The following NRXN3 variants were observed in gnomAD, a reference collection of about 807,000 sequenced individuals.
NRXN3 encodes the protein neurexin III.
Under a neutral mutation model 137.6 loss-of-function variants are expected in NRXN3, and 32 were observed. The observed-to-expected ratio is 0.23, with a 90% CI of 0.18 to 0.31. The LOEUF is 0.31. Ranked by LOEUF, NRXN3 falls within the 10% of genes least tolerant of loss-of-function variation. NRXN3 has a pLI of 1.00. For synonymous variants in NRXN3, 798 were observed against 784.5 expected (o/e 1.02, Z -0.29); for missense variants, 1,574 against 2,062.5 (o/e 0.76, Z 4.59).
intron 18 of NRXN3, among the ~76,000 whole-genome samples, chr14:79,693,763 G>A (rs1224628879): frequency 6.7e-6 from 1 of 150,326 alleles, no homozygotes; most frequent in East Asian, 2.0e-4. Flanking sequence ...AAATATACAA[G>A]TTGAGGGGTT....
chr14:78,698,712 A>G (rs774294931), intron 6 of NRXN3, among the ~76,000 whole-genome samples: 5 of 152,020 alleles, frequency 3.3e-5, no homozygotes, highest in Non-Finnish European at 5.9e-5. Flanking sequence ...CTGCTGAGAC[A>G]TATACACTAA....
intron 1 of NRXN3, among the ~76,000 whole-genome samples, chr14:78,204,941 T>C (rs2062036135): frequency 6.6e-6 from 1 of 152,192 alleles, no homozygotes; most frequent in African/African-American, 2.4e-5. Flanking sequence ...TTCAGGACCA[T>C]TTCATAGGAG....
At chr14:79,822,517 GT>G (rs1278983895) in intron 20 of NRXN3, among the ~76,000 whole-genome samples, 1 of 152,000 alleles carries the variant, frequency 6.6e-6, no homozygotes, top group Non-Finnish European at 1.5e-5. Context: ...TTTCTTTGAA[GT>G]TTTTTTCTCA....
At chr14:78,605,505 G>T (rs955284512) in intron 4 of NRXN3, among the ~76,000 whole-genome samples, 1 of 152,078 alleles carries the variant, frequency 6.6e-6, no homozygotes, top group African/African-American at 2.4e-5. Flanking sequence ...TGACATTCAG[G>T]TCAGATCAAA....
chr14:78,234,811 GA>G (rs112423641), intron 1 of NRXN3, among the ~76,000 whole-genome samples: 40,515 of 151,444 alleles, frequency 0.27, 5,547 homozygotes, highest in African/African-American at 0.33. Context: ...CAAAATAAAT[GA>G]AAAACTTTCT....
At chr14:78,927,831 A>G (rs546342286) in intron 10 of NRXN3, among the ~76,000 whole-genome samples, 2 of 152,280 alleles carry the variant, frequency 1.3e-5, no homozygotes, top group African/African-American at 2.4e-5. Flanking sequence ...GCAGTCGTTA[A>G]GGCACCATGG....
chr14:78,916,852 G>A (rs184536265), intron 10 of NRXN3, among the ~76,000 whole-genome samples: 214 of 152,294 alleles, frequency 1.4e-3, no homozygotes, highest in African/African-American at 5.0e-3. Flanking sequence ...TGAGGGCTGT[G>A]AGAGAAGGAT....
chr14:79,258,368 C>T (rs1037829652), intron 15 of NRXN3, among the ~76,000 whole-genome samples: 3 of 152,060 alleles, frequency 2.0e-5, no homozygotes, highest in Non-Finnish European at 4.4e-5. Context: ...CCACACCTGG[C>T]TAATTTTTTT....
chr14:79,803,890 A>AGT (rs199592352), intron 19 of NRXN3, among the ~76,000 whole-genome samples: 1 of 143,020 alleles, frequency 7.0e-6, no homozygotes, highest in African/African-American at 2.6e-5. Flanking sequence ...GTAACTAAAA[A>AGT]GTGTGTGTGT....
chr14:78,180,554 G>A (rs186591363), intron 1 of NRXN3, among the ~76,000 whole-genome samples: 413 of 152,310 alleles, frequency 2.7e-3, no homozygotes, highest in Non-Finnish European at 4.1e-3. Context: ...GCCTGTGGCC[G>A]CAGAGTTGGT....
At chr14:78,857,612 T>A (rs1265861471) in intron 10 of NRXN3, among the ~76,000 whole-genome samples, 1 of 152,290 alleles carries the variant, frequency 6.6e-6, no homozygotes, top group Non-Finnish European at 1.5e-5. Context: ...GGGATATGAA[T>A]GTATGCTGAA....
chr14:79,071,206 G>GACAAAAA (rs1230548069), intron 15 of NRXN3, among the ~76,000 whole-genome samples: 3 of 120,516 alleles, frequency 2.5e-5, no homozygotes. Context: ...TAATTTAGCG[G>GACAAAAA]AAGAAACACA....
intron 20 of NRXN3, among the ~76,000 whole-genome samples, chr14:79,832,754 TA>T (rs2099327535): frequency 6.6e-6 from 1 of 152,006 alleles, no homozygotes; most frequent in Non-Finnish European, 1.5e-5. Context: ...ACATTTTGTT[TA>T]AAAAAAGTAA....
At position 79,284,343 on chromosome 14, in the gene NRXN3, C is replaced by CATATATATATAT. The variant is rs60596302; in HGVS notation, c.3263-182847_3263-182836dup. On this transcript the variant is annotated intron_variant, in intron 15 of 20. Coordinates refer to ENST00000335750, the MANE Select transcript of NRXN3 (RefSeq NM_001330195.2). ...GGAAACCCCGTCTCTACTAAAAATA[C>CATATATATATAT]ATATATATATATATATATATATATA... Among the ~76,000 whole-genome samples, 459 of 65,028 alleles carry CATATATATATAT rather than the reference C, an allele frequency of 7.1e-3. 17 individuals are homozygous for CATATATATATAT. The highest frequency in any genetic ancestry group is 9.1e-3 in the Non-Finnish European group (308 of 33,966). 42.7% of individuals were successfully genotyped at this position (65,028 alleles called of 152,430 possible). A position where few individuals can be genotyped will look rare whatever the true frequency, so the allele number is the denominator to read the frequency against.
In NRXN3 at chr14:79,434,749, A is replaced by T. The variant is rs1375475810; in HGVS notation, c.3263-32472A>T. ...CTGAATGAAAGTGAGGGAAGCAGGC[A>T]TGGGATAGAAGGATAATTTGGTCTG... is the stretch of plus-strand genomic sequence containing the variant. On this transcript the variant is annotated intron_variant, in intron 15 of 20. Coordinates refer to ENST00000335750, the MANE Select transcript of NRXN3 (RefSeq NM_001330195.2). 2.0e-5 allele frequency among the ~76,000 whole-genome samples: 3 copies of T among 152,220 alleles called. No homozygotes were observed. The East Asian group carries it at 5.8e-4, about 29-fold the overall frequency.
intron 15 of NRXN3, among the ~76,000 whole-genome samples, chr14:79,079,714 G>A (rs761555208): frequency 6.6e-6 from 1 of 152,172 alleles, no homozygotes; most frequent in Non-Finnish European, 1.5e-5. Flanking sequence ...GTCGGGCAGG[G>A]TGCAGTTTCT....
rs368725767 is a variant in NRXN3 at position 79,861,621 on chromosome 14, G to A, written c.4373G>A (p.Ser1458Asn). The A allele has an allele frequency of 2.5e-6, 4 of 1,613,846 alleles. No individual in the cohort carries two copies. The African/African-American group carries it at 5.3e-5, about 22-fold the overall frequency. Reference protein sequence around the residue: ...AYELDSTKLKSPLITSPMFRN... With the variant: ...AYELDSTKLKNPLITSPMFRN... The stretch of plus-strand genomic sequence containing the variant: ...GAGCTAGACAGCACCAAACTGAAGA[G>A]CCCACTAATTACTTCCCCCATGTTC... Residue 1458 changes from serine to asparagine, a missense_variant, in exon 21 of 21, where the codon AGC becomes AAC. Transcript: ENST00000335750. This position sits in a 1 kb window ranked among gnomAD's most constrained non-coding sequence, Gnocchi z 5.4.
At chr14:79,306,637 C>A (rs190808003) in intron 15 of NRXN3, among the ~76,000 whole-genome samples, 1 of 152,034 alleles carries the variant, frequency 6.6e-6, no homozygotes, top group African/African-American at 2.4e-5. Context: ...TGTTCACAGC[C>A]CCTGCTGCCT....
At chr14:78,512,291 AT>A (rs1490906620) in intron 4 of NRXN3, among the ~76,000 whole-genome samples, 2 of 152,214 alleles carry the variant, frequency 1.3e-5, no homozygotes, top group Non-Finnish European at 1.5e-5. Context: ...AACTGTGAGA[AT>A]GACCAATGTT....
Sources: allele counts gnomAD v4.1 joint callset (sites outside exome capture counted in the v4.1 genomes callset), GRCh38; gene constraint gnomAD v4.1.1; non-coding constraint Gnocchi (gnomAD v3.1); transcripts MANE v1.5; gene names NCBI Gene and HGNC (gene_info 2026-07-23, HGNC 2026-07-21).